PICK1: variants seen among roughly 807,000 people sequenced by gnomAD.
PICK1 encodes protein interacting with PRKCA 1.
A neutral mutation model predicts 48.9 loss-of-function variants in PICK1; 23 were observed. The observed-to-expected ratio is 0.47, with a 90% CI of 0.34 to 0.67. The LOEUF is 0.67. PICK1 is among the 30% of genes least tolerant of loss of function. The pLI, the probability that PICK1 is intolerant of heterozygous loss-of-function variation, is 0.01. For synonymous variants in PICK1, 217 were observed against 228.2 expected, an observed-to-expected ratio of 0.95 and a Z score of 0.44; for missense variants, 423 against 557.1, an observed-to-expected ratio of 0.76 and a Z score of 2.42.
chr22:38,061,825 C>A (rs2085410772), intron 3 of PICK1, among the ~76,000 whole-genome samples: 1 of 152,152 alleles, frequency 6.6e-6, no homozygotes, highest in Admixed American at 6.6e-5. Flanking sequence ...TCAGCCTATC[C>A]TGTTGTTTCT....
At position 38,073,725 on chromosome 22, in the gene PICK1, TG is replaced by T; in HGVS notation, c.784-44del. On this transcript the variant is annotated intron_variant, in intron 10 of 12. Transcript: ENST00000356976. This position sits in a 1 kb window ranked among gnomAD's most constrained non-coding sequence, Gnocchi z 5.7. ...GGTGATGGGGGTGGAGCTGGGGACC[TG>T]GGGTGGGGGTAGTAGCCACTCTGAC... The T allele has an allele frequency of 6.4e-7, 1 of 1,563,562 alleles. No homozygotes were observed. Among genetic ancestry groups the T allele is most frequent in the Non-Finnish European group, 8.8e-7 (1 of 1,136,104 alleles).
At chr22:38,057,354 T>A (rs192182385), upstream of PICK1, 14 of 218,358 alleles carry the variant, frequency 6.4e-5, no homozygotes, top group East Asian at 1.5e-3. Flanking sequence ...TTGGAGCAAA[T>A]ATCCAGTGGG....
intron 2 of PICK1, among the ~76,000 whole-genome samples, chr22:38,058,426 G>A (rs572944502): frequency 5.9e-5 from 9 of 152,108 alleles, no homozygotes; most frequent in Non-Finnish European, 1.2e-4. Flanking sequence ...AGAGGTAATC[G>A]AGCAGTTGAG....
intron 3 of PICK1, among the ~76,000 whole-genome samples, chr22:38,062,628 T>TC (rs1256421505): frequency 6.6e-6 from 1 of 152,110 alleles, no homozygotes; most frequent in Non-Finnish European, 1.5e-5. Context: ...CTCTTTGGAT[T>TC]CCCCCATCTT....
Position 38,069,131 on chromosome 22 carries a change from C to T in PICK1, c.439+9C>T. The T allele has an allele frequency of 6.3e-7, 1 of 1,597,868 alleles. No homozygotes were observed. The highest frequency in any genetic ancestry group is 8.5e-7 in the Non-Finnish European group (1 of 1,171,534). ...GGCCATCCTGTGCAATGGTGAGTCCCTTCCCACCCAGCTGGGGCCCCGGGG... is the reference window on the plus strand; with the variant it reads ...GGCCATCCTGTGCAATGGTGAGTCCTTTCCCACCCAGCTGGGGCCCCGGGG... On this transcript the variant is annotated intron_variant, in intron 6 of 12. Transcript: ENST00000356976.
rs184414229 is a variant in PICK1, at chr22:38,070,504, C to G, written c.440-334C>G. ...ATCTGTGTGCTTGGGAGGCAGAGAC[C>G]ATGTCCTTCCTGCGCTAGAGGCCTG... On this transcript the variant is annotated intron_variant, in intron 6 of 12. Transcript: ENST00000356976. Among the ~76,000 whole-genome samples, 467 of 152,318 alleles carry G rather than the reference C, an allele frequency of 3.1e-3. 6 individuals carry two copies. The highest frequency in any genetic ancestry group is 0.011 in the African/African-American group (448 of 41,568).
intron 3 of PICK1, among the ~76,000 whole-genome samples, chr22:38,063,561 A>G (rs1191225439): frequency 6.6e-6 from 1 of 152,054 alleles, no homozygotes; most frequent in Admixed American, 6.6e-5. Flanking sequence ...TATTCTGGAT[A>G]TTAATCCCTT....
In PICK1 at chr22:38,074,615, G is replaced by A. The variant is rs1032303478; in HGVS notation, c.979+164G>A. Reference sequence around the variant, plus strand: ...CTGGGTGGAGCTGGCCTGTGCGCGTGGGCTCCGTGGGCTGCCATCCATGAT... The same window carrying A: ...CTGGGTGGAGCTGGCCTGTGCGCGTAGGCTCCGTGGGCTGCCATCCATGAT... On this transcript the variant is annotated intron_variant, in intron 12 of 12. Coordinates refer to ENST00000356976, the MANE Select transcript of PICK1 (RefSeq NM_012407.4). This position sits in a 1 kb window ranked among gnomAD's most constrained non-coding sequence, Gnocchi z 4.5. Among the ~76,000 whole-genome samples, 2 of 152,226 alleles carry A rather than the reference G, an allele frequency of 1.3e-5. No individual in the cohort carries two copies. The highest frequency in any genetic ancestry group is 2.9e-5 in the Non-Finnish European group (2 of 68,036).
At position 38,072,959 on chromosome 22, in the gene PICK1, C is replaced by T. The variant is rs753554421; in HGVS notation, c.691-41C>T. The T allele has an allele frequency of 6.0e-6, 8 of 1,343,808 alleles. No homozygotes were observed. The African/African-American group carries it at 1.0e-4, about 17-fold the overall frequency. 83.2% of individuals were successfully genotyped at this position (1,343,808 alleles called of 1,614,324 possible). A position where few individuals can be genotyped will look rare whatever the true frequency, so the allele number is the denominator to read the frequency against. ...GCCATTCATTGTCACCCTGGCACAC[C>T]CCTGCCGTGACAGCCTCAGCATCCA... On this transcript the variant is annotated intron_variant, in intron 9 of 12. Transcript: ENST00000356976.
Position 38,074,461 on chromosome 22 carries a change from G to A in PICK1, c.979+10G>A, listed in dbSNP as rs746518008. ...CTGGACCAGAAGCACGGTGAGCGCC[G>A]CCCTCCTCCCCGTCCGCTCTCCATT... On this transcript the variant is annotated intron_variant, in intron 12 of 12. Transcript: ENST00000356976. This position sits in a 1 kb window ranked among gnomAD's most constrained non-coding sequence, Gnocchi z 4.5. The A allele has an allele frequency of 6.8e-6, 11 of 1,612,788 alleles. No homozygotes were observed. Among genetic ancestry groups the A allele is most frequent in the Non-Finnish European group, 8.5e-6 (10 of 1,179,900 alleles).
chr22:38,058,026 T>C (rs1383052160), intron 2 of PICK1, 176 bp downstream of exon 2: 2 of 688,662 alleles, frequency 2.9e-6, no homozygotes, highest in Non-Finnish European at 5.4e-6. Context: ...TGTGGACAGT[T>C]AAAGGGATAA....
chr22:38,072,212 T>C (rs2085714086), intron 8 of PICK1, among the ~76,000 whole-genome samples: 1 of 152,164 alleles, frequency 6.6e-6, no homozygotes, highest in Admixed American at 6.5e-5. Flanking sequence ...CTGGTCCCTC[T>C]GGGGAATGAG....
At chr22:38,058,683 T>G (rs530970206) in intron 2 of PICK1, among the ~76,000 whole-genome samples, 1 of 152,066 alleles carries the variant, frequency 6.6e-6, no homozygotes, top group Middle Eastern at 3.2e-3. Flanking sequence ...GATGAGGAAA[T>G]TGAGATGCAC....
intron 3 of PICK1, among the ~76,000 whole-genome samples, chr22:38,064,158 A>G (rs1005594004): frequency 6.6e-6 from 1 of 151,848 alleles, no homozygotes; most frequent in African/African-American, 2.4e-5. Context: ...CCCAGGTTCA[A>G]GCGATTCTCC....
rs750725887 is a variant in PICK1, at chr22:38,057,763, C to G, written c.-47C>G. 5.1e-6 allele frequency: 8 copies of G among 1,575,206 alleles called. No homozygotes were observed. The highest frequency in any genetic ancestry group is 7.0e-6 in the Non-Finnish European group (8 of 1,144,664). On this transcript the variant is annotated 5_prime_UTR_variant, in exon 2 of 13. Coordinates refer to ENST00000356976, the MANE Select transcript of PICK1 (RefSeq NM_012407.4). Reference sequence around the variant, plus strand: ...CTCTCCCGGATCCAGTTCCCCATTCCCCTACCGAGCTGGGCAGTTAGCCAG... The same window carrying G: ...CTCTCCCGGATCCAGTTCCCCATTCGCCTACCGAGCTGGGCAGTTAGCCAG...
intron 4 of PICK1, 79 bp from the exon 5 acceptor site, chr22:38,067,625 C>T: frequency 1.5e-6 from 2 of 1,290,784 alleles, no homozygotes; most frequent in South Asian, 2.4e-5. Context: ...TCAGGAGTCT[C>T]AGTCCAGAAC....
chr22:38,068,800 G>T (rs1048775783), intron 5 of PICK1, among the ~76,000 whole-genome samples: 1 of 152,220 alleles, frequency 6.6e-6, no homozygotes, highest in Non-Finnish European at 1.5e-5. Flanking sequence ...TTGCGTAGCA[G>T]GCCCTGGGCG....
chr22:38,069,777 G>A (rs2085630374), intron 6 of PICK1, among the ~76,000 whole-genome samples: 1 of 152,188 alleles, frequency 6.6e-6, no homozygotes, highest in African/African-American at 2.4e-5. Context: ...GTGTACAAAA[G>A]TGGCGGCTGC....
chr22:38,068,798 C>T (rs762626205), intron 5 of PICK1, among the ~76,000 whole-genome samples: 7 of 152,198 alleles, frequency 4.6e-5, no homozygotes, highest in Non-Finnish European at 7.4e-5. Context: ...TGTTGCGTAG[C>T]AGGCCCTGGG....
Sources: gnomAD v4.1 joint callset for allele counts (sites outside exome capture counted in the v4.1 genomes callset) on GRCh38, gnomAD v4.1.1 for gene constraint, Gnocchi (gnomAD v3.1) non-coding constraint, MANE v1.5 for transcripts, NCBI Gene and HGNC (gene_info 2026-07-23, HGNC 2026-07-21) for gene names.